TXNRD2: variants seen among roughly 807,000 people sequenced by gnomAD.
The protein encoded by TXNRD2 is thioredoxin reductase 2.
TXNRD2 carries 67 observed loss-of-function variants against 70.8 expected under a neutral mutation model. That is an observed-to-expected ratio of 0.95 (90% confidence interval 0.78 to 1.16). The LOEUF (loss-of-function observed/expected upper bound fraction) is 1.16. TXNRD2 is among the 50% of genes most tolerant of loss of function. The pLI is 0.00. For missense variants in TXNRD2, 644 were observed against 719.9 expected, an observed-to-expected ratio of 0.89 and a Z score of 1.21; for synonymous variants, 301 against 295.8, an observed-to-expected ratio of 1.02 and a Z score of -0.18.
chr22:19,908,568 C>T (rs1308557234), intron 8 of TXNRD2, among the ~76,000 whole-genome samples: 2 of 152,164 alleles, frequency 1.3e-5, no homozygotes, highest in African/African-American at 2.4e-5. Flanking sequence ...ATGGTGTGGG[C>T]GCTGTTGGGA....
At chr22:19,932,998 T>C (rs1941422594) in intron 1 of TXNRD2, among the ~76,000 whole-genome samples, 1 of 152,192 alleles carries the variant, frequency 6.6e-6, no homozygotes, top group Non-Finnish European at 1.5e-5. Context: ...CATGCACTCC[T>C]AAAGGATACA....
Position 19,934,383 on chromosome 22 carries a change from A to G in TXNRD2, c.104-3285T>C, listed in dbSNP as rs1230657267. On this transcript the variant is annotated intron_variant, in intron 1 of 17. Transcript: ENST00000400521. ...TTAACAGAGTGAGACTCTGTCTCAG[A>G]AAAAAAAAAAAAAAAAAACTGCACC... Among the ~76,000 whole-genome samples, 4 of 32,060 alleles carry G rather than the reference A, an allele frequency of 1.2e-4. No individual in the cohort carries two copies. The East Asian group carries it at 4.7e-3, about 37-fold the overall frequency. The allele number at this position is 32,060 out of a possible 152,430, so 21.0% of individuals were successfully genotyped here. A position where few individuals can be genotyped will look rare whatever the true frequency, so the allele number is the denominator to read the frequency against.
intron 8 of TXNRD2, among the ~76,000 whole-genome samples, chr22:19,903,424 A>G (rs1282452450): frequency 6.6e-6 from 1 of 152,216 alleles, no homozygotes; most frequent in Non-Finnish European, 1.5e-5. Flanking sequence ...AGGGACCACA[A>G]TTCCCTATAT....
At chr22:19,932,375 C>T (rs1344976872) in intron 1 of TXNRD2, 2 of 1,612,524 alleles carry the variant, frequency 1.2e-6, no homozygotes, top group East Asian at 2.2e-5. Context: ...TCCATGGTGG[C>T]TCACTGCACA....
chr22:19,931,594 C>T (rs1222537954), intron 1 of TXNRD2, among the ~76,000 whole-genome samples: 1 of 152,116 alleles, frequency 6.6e-6, no homozygotes, highest in Non-Finnish European at 1.5e-5. Context: ...GCCTCTACCT[C>T]TTGGGCTCAA....
chr22:19,928,428 G>A (rs558209810), intron 2 of TXNRD2, among the ~76,000 whole-genome samples: 1 of 152,330 alleles, frequency 6.6e-6, no homozygotes, highest in South Asian at 2.1e-4. Flanking sequence ...CAACGAAGAT[G>A]AGTCTCAAGG....
intron 12 of TXNRD2, chr22:19,881,428 C>T (rs33997573): frequency 0.15 from 31,595 of 216,750 alleles, 2,598 homozygotes; most frequent in Middle Eastern, 0.19. Context: ...CACAACATCT[C>T]ATTAAACAAT....
chr22:19,938,941 A>C (rs1941614407), intron 1 of TXNRD2, among the ~76,000 whole-genome samples: 1 of 152,188 alleles, frequency 6.6e-6, no homozygotes. Flanking sequence ...TAAAAACAAT[A>C]CTCTGACTGC....
chr22:19,918,710 T>C, intron 4 of TXNRD2, 150 bp downstream of exon 4: 1 of 964,730 alleles, frequency 1.0e-6, no homozygotes. Flanking sequence ...TTCCCAAATG[T>C]CTGAGGCAGA....
In TXNRD2 at chr22:19,915,295, A is replaced by C; in HGVS notation, c.529-19T>G. On this transcript the variant is annotated intron_variant, in intron 6 of 17. Coordinates refer to ENST00000400521, the MANE Select transcript of TXNRD2 (RefSeq NM_006440.5). The stretch of plus-strand genomic sequence containing the variant: ...GCAGAATCTGAGGAGAAAAAGAGAA[A>C]GCCGTGGGTCAGACAGGTGCATGGT... 1 of 1,611,534 alleles carries C rather than the reference A, an allele frequency of 6.2e-7. No individual in the cohort carries two copies. The highest frequency in any genetic ancestry group is 8.5e-7 in the Non-Finnish European group (1 of 1,178,892).
chr22:19,900,866 TG>T (rs1204812199), intron 8 of TXNRD2, among the ~76,000 whole-genome samples: 9 of 152,254 alleles, frequency 5.9e-5, no homozygotes, highest in Non-Finnish European at 1.2e-4. Context: ...CATTGTGTGG[TG>T]CCCTTTGCCC....
intron 7 of TXNRD2, among the ~76,000 whole-genome samples, chr22:19,912,673 C>CT (rs1247517689): frequency 6.6e-6 from 1 of 152,252 alleles, no homozygotes; most frequent in Non-Finnish European, 1.5e-5. Context: ...CCTTGAACAA[C>CT]TGCACAGTGT....
chr22:19,927,471 T>C (rs1424376545), intron 2 of TXNRD2, among the ~76,000 whole-genome samples: 2 of 149,386 alleles, frequency 1.3e-5, no homozygotes, highest in Non-Finnish European at 3.0e-5. Flanking sequence ...CTGGGCAACA[T>C]AGCGAAACCC....
intron 7 of TXNRD2, 64 bp from the exon 8 acceptor site, chr22:19,911,511 A>C: frequency 8.0e-7 from 1 of 1,257,782 alleles, no homozygotes. Context: ...GGCTTCCTTA[A>C]AGAGGATGCC....
intron 1 of TXNRD2, among the ~76,000 whole-genome samples, chr22:19,940,367 C>T (rs2146115815): frequency 6.6e-6 from 1 of 151,720 alleles, no homozygotes; most frequent in Middle Eastern, 3.4e-3. Flanking sequence ...CTGGAGACTA[C>T]TTATTTTATT....
At chr22:19,899,139 A>G in intron 8 of TXNRD2, 71 bp from the exon 9 acceptor site, 1 of 1,596,290 alleles carries the variant, frequency 6.3e-7, no homozygotes, top group Non-Finnish European at 8.5e-7. Flanking sequence ...TCAGAGCAGA[A>G]CCCCGCAGCC....
chr22:19,913,320 G>A (rs1377018894), intron 7 of TXNRD2, among the ~76,000 whole-genome samples: 1 of 152,200 alleles, frequency 6.6e-6, no homozygotes, highest in African/African-American at 2.4e-5. Flanking sequence ...GAGTGAGAAT[G>A]GGAACTCCAG....
At position 19,918,178 on chromosome 22, in the gene TXNRD2, G is replaced by A. The variant is rs771104298; in HGVS notation, c.414C>T (p.Ser138=). 4.3e-6 allele frequency: 7 copies of A among 1,614,166 alleles called. No individual in the cohort carries two copies. Among genetic ancestry groups the A allele is most frequent in the South Asian group, 1.1e-5 (1 of 91,082 alleles). ...MAEAVQNHVK[S]LNWGHRVQLQ... ...GCTGGACACGGTGGCCCCAGTTCAA[G>A]GATTTCACGTGATTTTGAACAGCTT... The change falls in exon 5 of 18, where the codon TCC becomes TCT. Residue 138 remains serine (S), a synonymous_variant. Coordinates refer to ENST00000400521, the MANE Select transcript of TXNRD2 (RefSeq NM_006440.5).
chr22:19,876,870 A>C, intron 17 of TXNRD2, 170 bp downstream of exon 17: 2 of 444,048 alleles, frequency 4.5e-6, no homozygotes, highest in Non-Finnish European at 3.9e-6. Flanking sequence ...GCCCCTGGGA[A>C]CTTCCCCTTC....
Sources: allele counts gnomAD v4.1 joint callset (sites outside exome capture counted in the v4.1 genomes callset), GRCh38; gene constraint gnomAD v4.1.1; transcripts MANE v1.5; gene names NCBI Gene and HGNC (gene_info 2026-07-23, HGNC 2026-07-21).